Variants in TTC24 observed in about 807,000 individuals in gnomAD.
TTC24 encodes tetratricopeptide repeat domain 24.
Under a neutral mutation model 63.3 loss-of-function variants are expected in TTC24, and 54 were observed. The observed-to-expected ratio is 0.85, with a 90% CI of 0.69 to 1.07. The LOEUF is 1.07. Ranked by LOEUF, TTC24 falls within the 50% of genes least tolerant of loss-of-function variation. The pLI is 0.00. For synonymous variants in TTC24, 276 were observed against 304.3 expected (o/e 0.91, Z 0.97); for missense variants, 680 against 730.5 (o/e 0.93, Z 0.80).
chr1:156,582,053 C>T lies in TTC24; in HGVS notation c.689C>T (p.Thr230Ile). The T allele has an allele frequency of 6.8e-7, 1 of 1,472,720 alleles. No individual in the cohort carries two copies. The highest frequency in any genetic ancestry group is 9.0e-7 in the Non-Finnish European group (1 of 1,112,066). The allele number at this position is 1,472,720 out of a possible 1,614,324, so 91.2% of individuals were successfully genotyped here. A position where few individuals can be genotyped will look rare whatever the true frequency, so the allele number is the denominator to read the frequency against. ...AGCCGGAGGCTTGCCGAGAGGAGCA[C>T]TGAGAGGCGACTGCTGGGTGAGACC... Reference protein sequence around the residue: ...EKSRRLAERSTERRLLGHLYN... With the variant: ...EKSRRLAERSIERRLLGHLYN... The change falls in exon 2 of 11, where the codon ACT becomes ATT. Residue 230 changes from threonine (T) to isoleucine (I), a missense_variant. Transcript: ENST00000368236.
chr1:156,583,761 C>T lies in TTC24; in HGVS notation c.1153-36C>T, dbSNP rs1271762042. 5.3e-6 allele frequency: 8 copies of T among 1,511,074 alleles called. No individual in the cohort carries two copies. The highest frequency in any genetic ancestry group is 7.2e-6 in the Non-Finnish European group (8 of 1,109,340). The allele number at this position is 1,511,074 out of a possible 1,614,324, so 93.6% of individuals were successfully genotyped here. A position where few individuals can be genotyped will look rare whatever the true frequency, so the allele number is the denominator to read the frequency against. ...CCCCCAGAGGACCATAAGGTCCAGG[C>T]ATTCCCCATTACCCTATTATCCACC... is the stretch of plus-strand genomic sequence containing the variant. On this transcript the variant is annotated intron_variant, in intron 5 of 10. Coordinates refer to ENST00000368236, the MANE Select transcript of TTC24 (RefSeq NM_001105669.4). The surrounding 1 kb of genome is among the most constrained non-coding windows in gnomAD (Gnocchi z 4.0).
intron 8 of TTC24, chr1:156,585,463 AT>A: frequency 1.7e-6 from 1 of 598,244 alleles, no homozygotes. Context: ...GCCCTGGACC[AT>A]TTTCCCTGAA....
At position 156,586,000 on chromosome 1, in the gene TTC24, C is replaced by A; in HGVS notation, c.1622C>A (p.Ala541Glu). ...LPFVGPGPPR[A>E]EYPSILVPNG... ...TTTGTAGGTCCAGGCCCTCCCAGAGCGGAGTACCCTAGCATCTTGGTACCC... is the reference window on the plus strand; with the variant it reads ...TTTGTAGGTCCAGGCCCTCCCAGAGAGGAGTACCCTAGCATCTTGGTACCC... The change falls in exon 10 of 11, where the codon GCG becomes GAG. Residue 541 changes from alanine to glutamate, a missense_variant. Ala to Glu is a moderately radical substitution (Grantham distance 107). Transcript: ENST00000368236. The A allele has an allele frequency of 6.3e-7, 1 of 1,589,558 alleles. No individual in the cohort carries two copies. The highest frequency in any genetic ancestry group is 1.3e-5 in the African/African-American group (1 of 74,406).
rs1173260063 is a variant in TTC24 at position 156,583,356 on chromosome 1, G to A, written c.1058G>A (p.Trp353Ter). 1 of 1,613,132 alleles carries A rather than the reference G, an allele frequency of 6.2e-7. No homozygotes were observed. Reference protein sequence around the residue: ...ARDSGDMKGQWQACEGLGAAA... With the variant: ...ARDSGDMKGQ ...CTCTCAGGGGACATGAAGGGACAGTGGCAGGCCTGTGAGGGTCTGGGGGCT... is the reference window on the plus strand; with the variant it reads ...CTCTCAGGGGACATGAAGGGACAGTAGCAGGCCTGTGAGGGTCTGGGGGCT... Residue 353 changes from tryptophan to a stop codon, truncating the protein, a stop_gained, in exon 5 of 11, where the codon TGG becomes TAG. Coordinates refer to ENST00000368236, the MANE Select transcript of TTC24 (RefSeq NM_001105669.4). LOFTEE classifies it high-confidence loss of function. The surrounding 1 kb of genome is among the most constrained non-coding windows in gnomAD (Gnocchi z 4.0).
Position 156,585,815 on chromosome 1 carries a change from C to G in TTC24, c.1559C>G (p.Ala520Gly). 1.9e-6 allele frequency: 3 copies of G among 1,613,302 alleles called. No homozygotes were observed. Among genetic ancestry groups the G allele is most frequent in the Non-Finnish European group, 2.5e-6 (3 of 1,179,234 alleles). ...TPCRGTVLGK[A>G]SIYSPGPRAH... The stretch of plus-strand genomic sequence containing the variant: ...TGCAGAGGGACAGTCCTCGGCAAAG[C>G]CTCCATCTATAGTGAGCAGTGCATC... The change falls in exon 9 of 11, where the codon GCC becomes GGC. Residue 520 changes from alanine (A) to glycine (G), a missense_variant. Coordinates refer to ENST00000368236, the MANE Select transcript of TTC24 (RefSeq NM_001105669.4).
chr1:156,583,018 G>C lies in TTC24; in HGVS notation c.911-24G>C. 1 of 1,592,448 alleles carries C rather than the reference G, an allele frequency of 6.3e-7. No homozygotes were observed. The highest frequency in any genetic ancestry group is 1.1e-5 in the South Asian group (1 of 88,772). On this transcript the variant is annotated intron_variant, in intron 3 of 10. Coordinates refer to ENST00000368236, the MANE Select transcript of TTC24 (RefSeq NM_001105669.4). This position sits in a 1 kb window ranked among gnomAD's most constrained non-coding sequence, Gnocchi z 4.0. ...TCCCAGCAGCCAGAGTCCCCTCTGA[G>C]GATGGGGTGGGCTCTGTCCTCAGGC...
chr1:156,584,150 T>C lies in TTC24; in HGVS notation c.1251+255T>C, dbSNP rs1332404954. On this transcript the variant is annotated intron_variant, in intron 6 of 10. Coordinates refer to ENST00000368236, the MANE Select transcript of TTC24 (RefSeq NM_001105669.4). ...AAAGAAATAAATTTAAAAGAATCGG[T>C]AGGCCATGTGTGCAAGGAGGTAGAA... Among the ~76,000 whole-genome samples the C allele has an allele frequency of 4.6e-5, 7 of 152,120 alleles. No individual in the cohort carries two copies. In the South Asian group the frequency reaches 8.3e-4, roughly 18 times the overall value.
rs11264502 is a variant in TTC24 at position 156,583,970 on chromosome 1, A to C, written c.1251+75A>C. On this transcript the variant is annotated intron_variant, in intron 6 of 10. Transcript: ENST00000368236. This position sits in a 1 kb window ranked among gnomAD's most constrained non-coding sequence, Gnocchi z 4.0. ...GAGAAGGGGTTGGTGGTAAGCAGAGACGCTGTTCCCTGGGATGCTGCGCGC... is the reference window on the plus strand; with the variant it reads ...GAGAAGGGGTTGGTGGTAAGCAGAGCCGCTGTTCCCTGGGATGCTGCGCGC... 0.96 allele frequency: 1,233,781 copies of C among 1,287,622 alleles called. 592,101 individuals carry two copies. Among genetic ancestry groups the C allele is most frequent in the East Asian group, 0.98 (38,403 of 39,230 alleles). 79.8% of individuals were successfully genotyped at this position (1,287,622 alleles called of 1,614,324 possible). A position where few individuals can be genotyped will look rare whatever the true frequency, so the allele number is the denominator to read the frequency against.
chr1:156,583,923 G>A lies in TTC24; in HGVS notation c.1251+28G>A, dbSNP rs765157581. The A allele has an allele frequency of 3.9e-5, 61 of 1,545,792 alleles. No homozygotes were observed. The highest frequency in any genetic ancestry group is 5.8e-5 in the Admixed American group (3 of 51,522). On this transcript the variant is annotated intron_variant, in intron 6 of 10. Transcript: ENST00000368236. This position sits in a 1 kb window ranked among gnomAD's most constrained non-coding sequence, Gnocchi z 4.0. ...GAGATGACACCTGAGACAAGGAGAT[G>A]GGGGTGGAGAGAGGTTACCCAGAGA...
chr1:156,581,647 C>A lies in TTC24; in HGVS notation c.283C>A (p.Pro95Thr), dbSNP rs1244153056. Residue 95 changes from proline (P) to threonine (T), a missense_variant, in exon 2 of 11, where the codon CCA becomes ACA. Coordinates refer to ENST00000368236, the MANE Select transcript of TTC24 (RefSeq NM_001105669.4). Reference protein sequence around the residue: ...LGAAYVETGDPARGLELLLRA... With the variant: ...LGAAYVETGDTARGLELLLRA... ...GGCTGCCTATGTGGAGACTGGGGAC[C>A]CAGCCAGAGGCCTTGAGCTACTCCT... is the stretch of plus-strand genomic sequence containing the variant. The A allele has an allele frequency of 6.4e-7, 1 of 1,551,640 alleles. No homozygotes were observed. Among genetic ancestry groups the A allele is most frequent in the African/African-American group, 1.4e-5 (1 of 73,060 alleles).
rs557430682 is a variant in TTC24 at position 156,583,113 on chromosome 1, G to T, written c.982G>T (p.Asp328Tyr). ...GGCCTTTGCATTGAGCCAGCTGGGG[G>T]ACCACAAGGCTGCCAGAGACAACTA... is the stretch of plus-strand genomic sequence containing the variant. ...SLAFALSQLG[D>Y]HKAARDNYLH... Residue 328 changes from aspartate to tyrosine, a missense_variant, in exon 4 of 11, where the codon GAC becomes TAC. By Grantham distance (160) the Asp-to-Tyr change is radical (BLOSUM62 -3). Transcript: ENST00000368236. This position sits in a 1 kb window ranked among gnomAD's most constrained non-coding sequence, Gnocchi z 4.0. 8.4e-5 allele frequency: 136 copies of T among 1,613,732 alleles called. No homozygotes were observed. In the East Asian group the frequency reaches 3.0e-3, roughly 36 times the overall value.
Position 156,584,950 on chromosome 1 carries a change from G to A in TTC24, c.1325G>A (p.Ser442Asn), listed in dbSNP as rs1296771805. Residue 442 changes from serine to asparagine, a missense_variant, in exon 7 of 11, where the codon AGC becomes AAC. Coordinates refer to ENST00000368236, the MANE Select transcript of TTC24 (RefSeq NM_001105669.4). ...QAEGTPAKAG[S>N]STAGVQHRSS... ...GAGGGGACCCCAGCAAAGGCAGGAAGCAGCACAGCAGGTGTCCAGCACAGG... is the reference window on the plus strand; with the variant it reads ...GAGGGGACCCCAGCAAAGGCAGGAAACAGCACAGCAGGTGTCCAGCACAGG... 3 of 1,602,008 alleles carry A rather than the reference G, an allele frequency of 1.9e-6. No individual in the cohort carries two copies. The highest frequency in any genetic ancestry group is 2.6e-6 in the Non-Finnish European group (3 of 1,174,372).
chr1:156,582,000 G>C lies in TTC24; in HGVS notation c.636G>C (p.Val212=). 6.7e-7 allele frequency: 1 copy of C among 1,502,356 alleles called. No homozygotes were observed. Among genetic ancestry groups the C allele is most frequent in the South Asian group, 1.3e-5 (1 of 76,016 alleles). 93.1% of individuals were successfully genotyped at this position (1,502,356 alleles called of 1,614,324 possible). Residue 212 remains valine (V), a synonymous_variant, in exon 2 of 11, where the codon GTG becomes GTC. Transcript: ENST00000368236. ...GCMLKSGRHR[V]GEVVQVLEKS... ...TGCTGAAGAGTGGGCGGCATCGGGT[G>C]GGGGAAGTTGTGCAGGTGCTGGAGA... is the stretch of plus-strand genomic sequence containing the variant.
chr1:156,584,247 T>C (rs181065002), intron 6 of TTC24, among the ~76,000 whole-genome samples: 132 of 152,282 alleles, frequency 8.7e-4, no homozygotes, highest in African/African-American at 3.1e-3. Context: ...AGTCCCTCTC[T>C]CCCGTCTTTA....
Position 156,586,011 on chromosome 1 carries a change from A to C in TTC24, c.1633A>C (p.Ser545Arg). The C allele has an allele frequency of 6.3e-7, 1 of 1,584,590 alleles. No homozygotes were observed. Among genetic ancestry groups the C allele is most frequent in the Non-Finnish European group, 8.6e-7 (1 of 1,164,990 alleles). The change falls in exon 10 of 11, where the codon AGC becomes CGC. Residue 545 changes from serine to arginine, a missense_variant. Physicochemically the swap from Ser to Arg is moderately radical, Grantham distance 110. Transcript: ENST00000368236. Reference protein sequence around the residue: ...GPGPPRAEYPSILVPNGPQAN... With the variant: ...GPGPPRAEYPRILVPNGPQAN... ...AGGCCCTCCCAGAGCGGAGTACCCT[A>C]GCATCTTGGTACCCAATGGCCCTCA...
At chr1:156,582,099 G>T (rs1312728525) in intron 2 of TTC24, 29 bp downstream of exon 2, 27 of 1,464,688 alleles carry the variant, frequency 1.8e-5, no homozygotes, top group Non-Finnish European at 2.4e-5. Context: ...GAAGGCATGG[G>T]ATCTGGGGAG....
At position 156,584,965 on chromosome 1, in the gene TTC24, T is replaced by C. The variant is rs760626382; in HGVS notation, c.1340T>C (p.Val447Ala). ...PAKAGSSTAG[V>A]QHRSSSGWED... ...AAGGCAGGAAGCAGCACAGCAGGTG[T>C]CCAGCACAGGTGAGGGTGGGAATGG... The change falls in exon 7 of 11, where the codon GTC becomes GCC. Residue 447 changes from valine (V) to alanine (A), a missense_variant. By Grantham distance (64) the Val-to-Ala change is moderately conservative. Transcript: ENST00000368236. 1.1e-5 allele frequency: 18 copies of C among 1,596,582 alleles called. No individual in the cohort carries two copies. Among genetic ancestry groups the C allele is most frequent in the Non-Finnish European group, 1.5e-5 (18 of 1,171,544 alleles).
At position 156,586,459 on chromosome 1, in the gene TTC24, C is replaced by A; in HGVS notation, c.1668-10C>A. The A allele has an allele frequency of 6.2e-7, 1 of 1,612,266 alleles. No homozygotes were observed. The highest frequency in any genetic ancestry group is 8.5e-7 in the Non-Finnish European group (1 of 1,179,272). On this transcript the variant is annotated splice_polypyrimidine_tract_variant and intron_variant, in intron 10 of 10. Transcript: ENST00000368236. ...ACCCCCACTGGCAAGCCCCTCCCTG[C>A]CTCTTTCAGGTCATCCAGGTGGCCC...
At position 156,586,719 on chromosome 1, in the gene TTC24, G is replaced by A. The variant is rs1401667116; in HGVS notation, c.*169G>A. ...GGCTGGCCAAGGGCTTTGCAGGCTC[G>A]GCCCTGAGAGGTTCTGTTTGTTCCT... is the stretch of plus-strand genomic sequence containing the variant. On this transcript the variant is annotated 3_prime_UTR_variant, in exon 11 of 11. Transcript: ENST00000368236. 13 of 511,086 alleles carry A rather than the reference G, an allele frequency of 2.5e-5. No individual in the cohort carries two copies. Among genetic ancestry groups the A allele is most frequent in the South Asian group, 1.6e-4 (4 of 25,676 alleles). 31.7% of individuals were successfully genotyped at this position (511,086 alleles called of 1,614,324 possible). A position where few individuals can be genotyped will look rare whatever the true frequency, so the allele number is the denominator to read the frequency against.
Sources: gnomAD v4.1 joint callset for allele counts (sites outside exome capture counted in the v4.1 genomes callset) on GRCh38, gnomAD v4.1.1 for gene constraint, Gnocchi (gnomAD v3.1) non-coding constraint, MANE v1.5 for transcripts, NCBI Gene and HGNC (gene_info 2026-07-23, HGNC 2026-07-21) for gene names.